The following TTBK2 variants were observed in gnomAD, a reference collection of about 807,000 sequenced individuals.
The protein encoded by TTBK2 is tau-tubulin kinase 2.
Under a neutral mutation model 110.8 loss-of-function variants are expected in TTBK2, and 28 were observed. The ratio of observed to expected loss-of-function variants is 0.25; its 90% CI spans 0.19 to 0.35. The LOEUF (loss-of-function observed/expected upper bound fraction) is 0.35. Among genes scored for constraint, TTBK2 ranks in the 10% least tolerant of loss-of-function variants. TTBK2 has a pLI of 1.00. For synonymous variants in TTBK2, 532 were observed against 527.3 expected, an observed-to-expected ratio of 1.01 and a Z score of -0.12; for missense variants, 1,369 against 1,500.3, an observed-to-expected ratio of 0.91 and a Z score of 1.45.
chr15:42,878,504 C>CAA, intron 2 of TTBK2, 45 bp downstream of exon 2: 1 of 1,599,478 alleles, frequency 6.3e-7, no homozygotes, highest in Non-Finnish European at 8.5e-7. Context: ...CACACACACA[C>CAA]ACACACACAC....
chr15:42,882,530 C>T (rs944861492), intron 1 of TTBK2, among the ~76,000 whole-genome samples: 1 of 151,928 alleles, frequency 6.6e-6, no homozygotes, highest in African/African-American at 2.4e-5. Flanking sequence ...AGAAGAATCA[C>T]TTGGACCCAG....
intron 1 of TTBK2, among the ~76,000 whole-genome samples, chr15:42,887,754 C>T (rs187287466): frequency 6.6e-6 from 1 of 152,052 alleles, no homozygotes; most frequent in African/African-American, 2.4e-5. Context: ...TTCCTTTGCA[C>T]CCTTCATCAC....
At chr15:42,826,651 T>C (rs1271348009) in intron 6 of TTBK2, among the ~76,000 whole-genome samples, 1 of 152,160 alleles carries the variant, frequency 6.6e-6, no homozygotes, top group Non-Finnish European at 1.5e-5. Context: ...GTACCTCAAA[T>C]TTTCTGTACT....
Position 42,840,602 on chromosome 15 carries a change from C to T in TTBK2, c.218-169G>A, listed in dbSNP as rs1337644196. The T allele has an allele frequency of 5.5e-6, 4 of 723,726 alleles. No individual in the cohort carries two copies. In the African/African-American group the frequency reaches 7.0e-5, roughly 13 times the overall value. 44.8% of individuals were successfully genotyped at this position (723,726 alleles called of 1,614,324 possible). A position where few individuals can be genotyped will look rare whatever the true frequency, so the allele number is the denominator to read the frequency against. ...AATTTTCTACCTACCTCTTCTCCTC[C>T]CAGGCACTGTACTATTCCTTTGTGT... On this transcript the variant is annotated intron_variant, in intron 3 of 14. Coordinates refer to ENST00000267890, the MANE Select transcript of TTBK2 (RefSeq NM_173500.4).
chr15:42,915,100 T>C (rs2031007185), intron 1 of TTBK2, among the ~76,000 whole-genome samples: 1 of 152,264 alleles, frequency 6.6e-6, no homozygotes, highest in African/African-American at 2.4e-5. Context: ...TTTCACTTTC[T>C]GCAGTTTCAG....
intron 13 of TTBK2, among the ~76,000 whole-genome samples, chr15:42,762,268 CA>C (rs1242194472): frequency 2.6e-5 from 4 of 152,136 alleles, no homozygotes; most frequent in Non-Finnish European, 2.9e-5. Context: ...CAAAAAACTA[CA>C]AATAGAACTA....
rs1823197527 is a variant in TTBK2, at chr15:42,752,096, C to G, written c.3150G>C (p.Lys1050Asn). 3 of 1,614,054 alleles carry G rather than the reference C, an allele frequency of 1.9e-6. No homozygotes were observed. Among genetic ancestry groups the G allele is most frequent in the African/African-American group, 1.3e-5 (1 of 74,908 alleles). Residue 1050 changes from lysine to asparagine, a missense_variant, in exon 14 of 15, where the codon AAG becomes AAC. Transcript: ENST00000267890. ...FLSPIISQSR[K>N]SKIPRPVSWV... Reference sequence around the variant, plus strand: ...ATGAAACTGGCCTTGGAATTTTGCTCTTTCTAGACTGGGAGATGATGGGTG... The same window carrying G: ...ATGAAACTGGCCTTGGAATTTTGCTGTTTCTAGACTGGGAGATGATGGGTG...
At chr15:42,833,897 G>A (rs1475190913) in intron 4 of TTBK2, among the ~76,000 whole-genome samples, 3 of 152,058 alleles carry the variant, frequency 2.0e-5, no homozygotes, top group African/African-American at 7.2e-5. Context: ...TGTAGTCCAG[G>A]CTACTCGGGA....
In TTBK2 at chr15:42,849,734, G is replaced by A. The variant is rs571567168; in HGVS notation, c.218-9301C>T. On this transcript the variant is annotated intron_variant, in intron 3 of 14. Coordinates refer to ENST00000267890, the MANE Select transcript of TTBK2 (RefSeq NM_173500.4). Reference sequence around the variant, plus strand: ...TTAATGTGTTCCATAAGTACCCCACGTGGTTTCCCATTTGGGATGTGGGCA... The same window carrying A: ...TTAATGTGTTCCATAAGTACCCCACATGGTTTCCCATTTGGGATGTGGGCA... Among the ~76,000 whole-genome samples the A allele has an allele frequency of 2.5e-3, 385 of 152,262 alleles. 6 individuals are homozygous for A. In the East Asian group the frequency reaches 0.033, roughly 13 times the overall value.
intron 3 of TTBK2, among the ~76,000 whole-genome samples, chr15:42,871,816 A>G (rs1846867556): frequency 6.6e-6 from 1 of 152,196 alleles, no homozygotes; most frequent in African/African-American, 2.4e-5. Context: ...TTACTATAAA[A>G]ACAGATCTAT....
intron 10 of TTBK2, among the ~76,000 whole-genome samples, chr15:42,789,148 C>T (rs538556663): frequency 1.3e-5 from 2 of 152,156 alleles, no homozygotes; most frequent in African/African-American, 4.8e-5. Flanking sequence ...GATCTCCACA[C>T]TTGTTCATCC....
Position 42,752,416 on chromosome 15 carries a change from G to C in TTBK2, c.2830C>G (p.Arg944Gly). The C allele has an allele frequency of 6.2e-7, 1 of 1,614,164 alleles. No individual in the cohort carries two copies. The highest frequency in any genetic ancestry group is 2.2e-5 in the East Asian group (1 of 44,878). ...VRSSFVTRHS[R>G]IPVLAQEIDS... ...ATCTCTTGTGCTAAAACAGGGATTC[G>C]GCTGTGTCTAGTTACAAAGGATGAC... The change falls in exon 14 of 15, where the codon CGA (arginine) becomes GGA (glycine). Residue 944 changes from arginine to glycine, a missense_variant. Arg to Gly is a moderately radical substitution (Grantham distance 125). This residue lies in a region of TTBK2 where 1,097 missense variants were observed against 1,114.7 expected (regional missense o/e 0.98). Coordinates refer to ENST00000267890, the MANE Select transcript of TTBK2 (RefSeq NM_173500.4).
Position 42,743,983 on chromosome 15 carries a change from T to A in TTBK2, c.*1812A>T, listed in dbSNP as rs894385427. On this transcript the variant is annotated 3_prime_UTR_variant, in exon 15 of 15. Transcript: ENST00000267890. ...CTATATAAGGATATGTCTCTCTATA[T>A]ATTTATAAATATTTATATAATTTAC... 6.6e-6 allele frequency: 1 copy of A among 152,144 alleles called. No homozygotes were observed. 9.4% of individuals were successfully genotyped at this position (152,144 alleles called of 1,614,324 possible).
intron 3 of TTBK2, among the ~76,000 whole-genome samples, chr15:42,871,902 A>G (rs1894630197): frequency 6.6e-6 from 1 of 152,204 alleles, no homozygotes; most frequent in African/African-American, 2.4e-5. Flanking sequence ...GCAAAGGAAA[A>G]TGATCATCCC....
chr15:42,867,041 G>A (rs1159838394), intron 3 of TTBK2, among the ~76,000 whole-genome samples: 12 of 151,940 alleles, frequency 7.9e-5, no homozygotes, highest in Non-Finnish European at 1.0e-4. Context: ...TCAGGAGATC[G>A]AGACCATCCT....
chr15:42,815,958 A>AAAATATATATATATAT lies in TTBK2; in HGVS notation c.603+1073_603+1074insATATATATATATATTT, dbSNP rs71108183. Among the ~76,000 whole-genome samples the AAAATATATATATATAT allele has an allele frequency of 4.3e-3, 398 of 91,658 alleles. 20 individuals carry two copies. The highest frequency in any genetic ancestry group is 0.011 in the African/African-American group (174 of 16,130). 60.1% of individuals were successfully genotyped at this position (91,658 alleles called of 152,430 possible). On this transcript the variant is annotated intron_variant, in intron 7 of 14. Coordinates refer to ENST00000267890, the MANE Select transcript of TTBK2 (RefSeq NM_173500.4). ...TATATATATATATATTTAAAAAAAA[A>AAAATATATATATATAT]ATATATATATATATATATATTTGAG... is the stretch of plus-strand genomic sequence containing the variant.
intron 6 of TTBK2, 84 bp downstream of exon 6, chr15:42,827,840 GATAA>G: frequency 1.9e-6 from 2 of 1,027,272 alleles, no homozygotes; most frequent in Non-Finnish European, 3.0e-6. Flanking sequence ...CATCCATTAG[GATAA>G]ATAATTAGCA....
In TTBK2 at chr15:42,754,497, G is replaced by A. The variant is rs569357958; in HGVS notation, c.1999-1250C>T. On this transcript the variant is annotated intron_variant, in intron 13 of 14. Transcript: ENST00000267890. ...CGCAACCTCCGCCTCCTGGGTTTAC[G>A]TGATTCTCCCTGCCTCAGCCTCCCA... 6.6e-5 allele frequency among the ~76,000 whole-genome samples: 10 copies of A among 151,216 alleles called. No homozygotes were observed. The South Asian group carries it at 1.5e-3, about 22-fold the overall frequency.
At chr15:42,798,109 C>T (rs1217991908) in intron 9 of TTBK2, 1 of 407,738 alleles carries the variant, frequency 2.5e-6, no homozygotes, top group East Asian at 7.2e-5. Flanking sequence ...GTCTGAAACT[C>T]CTGACCTCAG....
Sources: allele counts gnomAD v4.1 joint callset (sites outside exome capture counted in the v4.1 genomes callset), GRCh38; gene constraint gnomAD v4.1.1; regional missense constraint gnomAD v4.1.1; transcripts MANE v1.5; gene names NCBI Gene and HGNC (gene_info 2026-07-23, HGNC 2026-07-21).